Variants in RRP7A observed in about 807,000 individuals in gnomAD.
RRP7A encodes ribosomal RNA processing 7 homolog A, also known as ribosomal RNA-processing protein 7 homolog A.
A neutral mutation model predicts 38.4 loss-of-function variants in RRP7A; 27 were observed. The observed-to-expected ratio is 0.70, with a 90% CI of 0.52 to 0.97. RRP7A has a LOEUF of 0.97. Among genes scored for constraint, RRP7A ranks in the 50% least tolerant of loss-of-function variants. RRP7A has a pLI of 0.00. For missense variants in RRP7A, 327 were observed against 375.4 expected (o/e 0.87, Z 1.07); for synonymous variants, 124 against 150.3 (o/e 0.83, Z 1.28).
At position 42,508,486 on chromosome 22, in the gene RRP7A, C is replaced by A. The variant is rs1052932672; in HGVS notation, c.*4424G>T. On this transcript the variant is annotated 3_prime_UTR_variant, in exon 7 of 7. Transcript: ENST00000323013. ...CACATCTCACTCAAGCTGGCCACAT[C>A]CCCGCCATCCAGACGTAAAACAGTC... 6.6e-6 allele frequency among the ~76,000 whole-genome samples: 1 copy of A among 152,172 alleles called. No homozygotes were observed. Among genetic ancestry groups the A allele is most frequent in the Non-Finnish European group, 1.5e-5 (1 of 68,028 alleles).
chr22:42,511,560 G>T lies in RRP7A; in HGVS notation c.*1350C>A, dbSNP rs1315584919. The T allele has an allele frequency of 6.1e-6, 1 of 163,538 alleles. No individual in the cohort carries two copies. Among genetic ancestry groups the T allele is most frequent in the Non-Finnish European group, 1.3e-5 (1 of 75,556 alleles). 10.1% of individuals were successfully genotyped at this position (163,538 alleles called of 1,614,324 possible). A position where few individuals can be genotyped will look rare whatever the true frequency, so the allele number is the denominator to read the frequency against. On this transcript the variant is annotated 3_prime_UTR_variant, in exon 7 of 7. Coordinates refer to ENST00000323013, the MANE Select transcript of RRP7A (RefSeq NM_015703.5). ...ACCCATCACGCCAGTGGGCATGCTG[G>T]CTGTAGGTGGGGATGGCCTTTGCCC...
At chr22:42,515,535 G>A (rs924934196) in intron 3 of RRP7A, among the ~76,000 whole-genome samples, 5 of 152,234 alleles carry the variant, frequency 3.3e-5, no homozygotes, top group Non-Finnish European at 7.3e-5. Context: ...TCCAGTCACG[G>A]GAGGGATGCG....
Position 42,515,165 on chromosome 22 carries a change from T to G in RRP7A, c.446A>C (p.Lys149Thr). Reference protein sequence around the residue: ...LLVSTESHPVKSGIHKWISDY... With the variant: ...LLVSTESHPVTSGIHKWISDY... The stretch of plus-strand genomic sequence containing the variant: ...GCAGTACTAACTGTGAATGCCACTC[T>G]TCACAGGGTGGCTCTCTGTGGACAC... The change falls in exon 4 of 7, where the codon AAG becomes ACG. Residue 149 changes from lysine to threonine, a missense_variant. Coordinates refer to ENST00000323013, the MANE Select transcript of RRP7A (RefSeq NM_015703.5). 8.7e-7 allele frequency: 1 copy of G among 1,150,968 alleles called. No individual in the cohort carries two copies. Among genetic ancestry groups the G allele is most frequent in the Non-Finnish European group, 1.3e-6 (1 of 793,410 alleles). 71.3% of individuals were successfully genotyped at this position (1,150,968 alleles called of 1,614,324 possible).
rs3207601 is a variant in RRP7A, at chr22:42,519,733, G to A, written c.54C>T (p.Pro18=). 8 of 1,464,804 alleles carry A rather than the reference G, an allele frequency of 5.5e-6. No homozygotes were observed. The African/African-American group carries it at 1.2e-4, about 21-fold the overall frequency. The allele number at this position is 1,464,804 out of a possible 1,614,324, so 90.7% of individuals were successfully genotyped here. Reference sequence around the variant, plus strand: ...CCTCACCTGCGTAGCCCAGTGGGCTGGGGATACGGTCCTCCGGGTCCCGCG... The same window carrying A: ...CCTCACCTGCGTAGCCCAGTGGGCTAGGGATACGGTCCTCCGGGTCCCGCG... The part of the protein sequence containing the change: ...CAARDPEDRI[P]SPLGYAAIPI... The change falls in exon 1 of 7, where the codon CCC becomes CCT. Residue 18 remains proline, a synonymous_variant. Transcript: ENST00000323013.
In RRP7A at chr22:42,512,576, T is replaced by C. The variant is rs1306007251; in HGVS notation, c.*334A>G. On this transcript the variant is annotated 3_prime_UTR_variant, in exon 7 of 7. Transcript: ENST00000323013. The stretch of plus-strand genomic sequence containing the variant: ...TGTATTCTCACTGCTTTTGAGGCTT[T>C]TTCGTTGCCAGCAAGGGCTTTTGCA... 5.6e-6 allele frequency: 3 copies of C among 539,982 alleles called. No individual in the cohort carries two copies. Among genetic ancestry groups the C allele is most frequent in the Admixed American group, 3.3e-5 (1 of 30,290 alleles). 33.4% of individuals were successfully genotyped at this position (539,982 alleles called of 1,614,324 possible).
intron 1 of RRP7A, chr22:42,518,690 C>T (rs577677954): frequency 2.1e-6 from 1 of 470,908 alleles, no homozygotes; most frequent in African/African-American, 2.0e-5. Flanking sequence ...TCAGATCCCA[C>T]TGCCTGTGCC....
intron 6 of RRP7A, among the ~76,000 whole-genome samples, chr22:42,513,320 G>T (rs556710448): frequency 0.012 from 1,368 of 117,190 alleles, 21 homozygotes; most frequent in African/African-American, 0.041. Context: ...TGAGCGCTCG[G>T]CCTGGAGAAC....
chr22:42,517,460 C>T (rs2146623931), intron 2 of RRP7A, among the ~76,000 whole-genome samples: 1 of 150,806 alleles, frequency 6.6e-6, no homozygotes, highest in South Asian at 2.1e-4. Context: ...TGGAAGAAAA[C>T]ACGTAATTCA....
In RRP7A at chr22:42,519,721, G is replaced by GC; in HGVS notation, c.65dup (p.Tyr23LeufsTer10). 8.2e-6 allele frequency: 12 copies of GC among 1,459,944 alleles called. No individual in the cohort carries two copies. Among genetic ancestry groups the GC allele is most frequent in the Non-Finnish European group, 1.1e-5 (12 of 1,107,976 alleles). 90.4% of individuals were successfully genotyped at this position (1,459,944 alleles called of 1,614,324 possible). Reference sequence around the variant, plus strand: ...CGTCCCGGAGCCCCTCACCTGCGTAGCCCAGTGGGCTGGGGATACGGTCCT... The same window carrying GC: ...CGTCCCGGAGCCCCTCACCTGCGTAGCCCCAGTGGGCTGGGGATACGGTCCT... On this transcript the variant is annotated frameshift_variant, in exon 1 of 7. Coordinates refer to ENST00000323013, the MANE Select transcript of RRP7A (RefSeq NM_015703.5). LOFTEE classifies it high-confidence loss of function.
At position 42,510,621 on chromosome 22, in the gene RRP7A, C is replaced by T. The variant is rs549335444; in HGVS notation, c.*2289G>A. 16 of 1,183,476 alleles carry T rather than the reference C, an allele frequency of 1.4e-5. No individual in the cohort carries two copies. In the Admixed American group the frequency reaches 3.4e-4, roughly 25 times the overall value. 73.3% of individuals were successfully genotyped at this position (1,183,476 alleles called of 1,614,324 possible). A position where few individuals can be genotyped will look rare whatever the true frequency, so the allele number is the denominator to read the frequency against. On this transcript the variant is annotated 3_prime_UTR_variant, in exon 7 of 7. Transcript: ENST00000323013. ...TGAACCCCAACAACCCCCAACTCCT[C>T]ACTTTCCAGAGCAGTCCACGGATAT...
At position 42,512,913 on chromosome 22, in the gene RRP7A, G is replaced by A; in HGVS notation, c.840C>T (p.Tyr280=). The stretch of plus-strand genomic sequence containing the variant: ...CATTCACTGCGGCTCTCACAGCTCA[G>A]TACGGTCGGAATTTGCGCTGGGCCC... ...LLRAQRKFRP[Y] The change falls in exon 7 of 7, where the codon TAC becomes TAT. Residue 280 remains tyrosine, a synonymous_variant. Transcript: ENST00000323013. 3 of 1,613,240 alleles carry A rather than the reference G, an allele frequency of 1.9e-6. No individual in the cohort carries two copies. The highest frequency in any genetic ancestry group is 1.3e-5 in the African/African-American group (1 of 75,042).
intron 1 of RRP7A, among the ~76,000 whole-genome samples, chr22:42,519,412 C>T (rs575363895): frequency 6.6e-6 from 1 of 152,208 alleles, no homozygotes; most frequent in Non-Finnish European, 1.5e-5. Flanking sequence ...ATGGGCTCAC[C>T]TGGACGAGCG....
intron 1 of RRP7A, 115 bp from the exon 2 acceptor site, chr22:42,518,262 C>G (rs1454638857): frequency 1.1e-6 from 1 of 898,544 alleles, no homozygotes; most frequent in Admixed American, 2.1e-5. Context: ...GTTCATCGAT[C>G]CATCCATCCC....
Position 42,508,640 on chromosome 22 carries a change from C to G in RRP7A, c.*4270G>C, listed in dbSNP as rs541848582. ...CCTGTCCCAGGCTGGCAGGGGACAG[C>G]GTGAGGTGCAGCCTATGGACTGGGA... is the stretch of plus-strand genomic sequence containing the variant. On this transcript the variant is annotated 3_prime_UTR_variant, in exon 7 of 7. Coordinates refer to ENST00000323013, the MANE Select transcript of RRP7A (RefSeq NM_015703.5). 2.0e-5 allele frequency among the ~76,000 whole-genome samples: 3 copies of G among 152,212 alleles called. No homozygotes were observed. Among genetic ancestry groups the G allele is most frequent in the African/African-American group, 7.2e-5 (3 of 41,448 alleles).
intron 5 of RRP7A, among the ~76,000 whole-genome samples, 178 bp from the exon 6 acceptor site, chr22:42,514,482 A>G (rs1287403874): frequency 9.9e-5 from 15 of 152,060 alleles, no homozygotes; most frequent in African/African-American, 2.7e-4. Context: ...ACCTGCCGGC[A>G]CTGCCTCCTT....
chr22:42,517,636 C>T (rs1205034580), intron 2 of RRP7A, among the ~76,000 whole-genome samples: 3 of 152,090 alleles, frequency 2.0e-5, no homozygotes. Context: ...TCTCATGCCT[C>T]AGCTTCCCTA....
At chr22:42,517,067 C>T (rs1202313608) in intron 2 of RRP7A, among the ~76,000 whole-genome samples, 1 of 152,030 alleles carries the variant, frequency 6.6e-6, no homozygotes, top group Non-Finnish European at 1.5e-5. Flanking sequence ...TACTTCAGGT[C>T]AGCAGTTCGA....
chr22:42,518,832 C>A, intron 1 of RRP7A: 1 of 459,952 alleles, frequency 2.2e-6, no homozygotes, highest in East Asian at 7.1e-5. Flanking sequence ...GTCACAGTAC[C>A]GGTTGGCGTA....
Position 42,514,094 on chromosome 22 carries a change from G to A in RRP7A, c.757+12C>T, listed in dbSNP as rs773739867. 3.7e-6 allele frequency: 6 copies of A among 1,609,806 alleles called. No homozygotes were observed. The highest frequency in any genetic ancestry group is 1.7e-5 in the Admixed American group (1 of 59,516). ...GGCCGAGGGGTCTGAGGATGGACTG[G>A]GGGTGGCTTACGCTCCATCTTGCTC... On this transcript the variant is annotated intron_variant, in intron 6 of 6. Transcript: ENST00000323013.
Sources: allele counts gnomAD v4.1 joint callset (sites outside exome capture counted in the v4.1 genomes callset), GRCh38; gene constraint gnomAD v4.1.1; transcripts MANE v1.5; gene names NCBI Gene and HGNC (gene_info 2026-07-23, HGNC 2026-07-21).